Variants in TOGARAM1 observed in about 807,000 individuals in gnomAD.
The protein encoded by TOGARAM1 is TOG array regulator of axonemal microtubules 1, also known as TOG array regulator of axonemal microtubules protein 1.
In TOGARAM1, 100 loss-of-function variants were observed where a neutral mutation model predicts 166.6. The ratio of observed to expected loss-of-function variants is 0.60; its 90% CI spans 0.51 to 0.71. The LOEUF (loss-of-function observed/expected upper bound fraction) is 0.71, where lower values mean the gene tolerates loss of function less well. Among genes scored for constraint, TOGARAM1 ranks in the 30% least tolerant of loss-of-function variants. The probability of loss-of-function intolerance (pLI) is 0.00; values close to 1 mark genes in which losing one functional copy is unlikely to be tolerated. For synonymous variants in TOGARAM1, 758 were observed against 763.8 expected (o/e 0.99, Z 0.13); for missense variants, 2,029 against 2,102.7 (o/e 0.96, Z 0.69).
intron 7 of TOGARAM1, among the ~76,000 whole-genome samples, chr14:45,023,732 C>A (rs1391849554): frequency 6.6e-6 from 1 of 152,106 alleles, no homozygotes; most frequent in African/African-American, 2.4e-5. Flanking sequence ...AGAGTTCCTA[C>A]TCCATGGCAT....
At chr14:45,072,149 C>T (rs1253713810) in intron 19 of TOGARAM1, among the ~76,000 whole-genome samples, 2 of 152,156 alleles carry the variant, frequency 1.3e-5, no homozygotes, top group South Asian at 4.1e-4. Flanking sequence ...GGTTCAGGCT[C>T]CTGCCTTAAC....
chr14:44,995,579 T>A, intron 1 of TOGARAM1, 167 bp from the exon 2 acceptor site: 1 of 644,848 alleles, frequency 1.6e-6, no homozygotes, highest in East Asian at 3.1e-5. Flanking sequence ...TGAAAAGTAC[T>A]GTTGGTGTAC....
intron 1 of TOGARAM1, among the ~76,000 whole-genome samples, chr14:44,972,352 T>C (rs1254666832): frequency 6.6e-6 from 1 of 152,160 alleles, no homozygotes; most frequent in Non-Finnish European, 1.5e-5. Flanking sequence ...AGTCTGTTGT[T>C]GGATAAAGTA....
At chr14:45,011,308 GTTATAT>G (rs1471062415) in intron 6 of TOGARAM1, among the ~76,000 whole-genome samples, 2 of 152,058 alleles carry the variant, frequency 1.3e-5, no homozygotes, top group African/African-American at 4.8e-5. Context: ...GATTTGACTT[GTTATAT>G]TTATTTTCAT....
rs773035848 is a variant in TOGARAM1, at chr14:45,032,223, G to A, written c.3659G>A (p.Ser1220Asn). 2 of 1,599,182 alleles carry A rather than the reference G, an allele frequency of 1.3e-6. No homozygotes were observed. The highest frequency in any genetic ancestry group is 1.7e-6 in the Non-Finnish European group (2 of 1,176,400). The change falls in exon 11 of 20, where the codon AGT (serine) becomes AAT (asparagine). Residue 1220 changes from serine (S) to asparagine (N), a missense_variant and splice_region_variant. Coordinates refer to ENST00000361462, the MANE Select transcript of TOGARAM1 (RefSeq NM_001308120.2). ...GTTTATTTAATGTATTTTGTTTTAG[G>A]TGAAACACCTACTGGAGCTATTTCA... is the stretch of plus-strand genomic sequence containing the variant. Reference protein sequence around the residue: ...HTGTEKMASESETPTGAISQY... With the variant: ...HTGTEKMASENETPTGAISQY...
chr14:45,030,073 G>A (rs183454510), intron 10 of TOGARAM1, among the ~76,000 whole-genome samples: 147 of 152,166 alleles, frequency 9.7e-4, no homozygotes, highest in Non-Finnish European at 2.0e-3. Context: ...GCTCACCTCA[G>A]CCTCCCAGAA....
Position 44,962,737 on chromosome 14 carries a change from G to A in TOGARAM1, c.316G>A (p.Ala106Thr), listed in dbSNP as rs754954026. The change falls in exon 1 of 20, where the codon GCC becomes ACC. Residue 106 changes from alanine (A) to threonine (T), a missense_variant. Around this residue, in one of 2 missense-constraint regions of TOGARAM1, gnomAD observed 1,453 missense variants for 1,432.2 expected, o/e 1.01. Transcript: ENST00000361462. ...DTRLLQLLRT[A>T]RDPSEAFQAL... ...TCGGCTCCTTCAACTCCTCCGCACT[G>A]CCCGGGATCCTTCTGAGGCCTTCCA... 3 of 1,613,650 alleles carry A rather than the reference G, an allele frequency of 1.9e-6. No homozygotes were observed. The East Asian group carries it at 6.7e-5, about 36-fold the overall frequency.
intron 1 of TOGARAM1, among the ~76,000 whole-genome samples, chr14:44,988,184 A>T (rs1013643138): frequency 2.6e-5 from 4 of 152,024 alleles, no homozygotes; most frequent in Non-Finnish European, 2.9e-5. Flanking sequence ...CAGCACACCA[A>T]CATGGCACAT....
chr14:45,056,522 A>G (rs1882646526), intron 16 of TOGARAM1, among the ~76,000 whole-genome samples: 1 of 151,998 alleles, frequency 6.6e-6, no homozygotes, highest in African/African-American at 2.4e-5. Context: ...GGCCTTTATT[A>G]TGTTGAGGTA....
chr14:44,996,807 G>A (rs535398177), intron 2 of TOGARAM1: 2 of 152,368 alleles, frequency 1.3e-5, no homozygotes, highest in African/African-American at 4.8e-5. Context: ...TTACATGGTG[G>A]GAGCAAGGGG....
chr14:45,025,395 C>T (rs921781693), intron 7 of TOGARAM1: 1 of 154,646 alleles, frequency 6.5e-6, no homozygotes, highest in African/African-American at 2.4e-5. Context: ...GAAACCCCAT[C>T]TCTACTAAAA....
At chr14:44,974,611 G>A in intron 1 of TOGARAM1, among the ~76,000 whole-genome samples, 1 of 152,020 alleles carries the variant, frequency 6.6e-6, no homozygotes, top group East Asian at 1.9e-4. Flanking sequence ...GTGGTAAATA[G>A]TTTTTTAGTA....
chr14:44,972,144 C>T (rs1885921409), intron 1 of TOGARAM1, among the ~76,000 whole-genome samples: 1 of 152,142 alleles, frequency 6.6e-6, no homozygotes, highest in South Asian at 2.1e-4. Flanking sequence ...CCTCTTTCAA[C>T]ATTGAGGATT....
rs548304173 is a variant in TOGARAM1, at chr14:45,061,599, T to G, written c.4560-4979T>G. On this transcript the variant is annotated intron_variant, in intron 16 of 19. Coordinates refer to ENST00000361462, the MANE Select transcript of TOGARAM1 (RefSeq NM_001308120.2). ...TTTTTAATCATGAATGAGTGTTGAATTTTTCTCAAATGCCCTTCCAGCATC... is the reference window on the plus strand; with the variant it reads ...TTTTTAATCATGAATGAGTGTTGAAGTTTTCTCAAATGCCCTTCCAGCATC... 2.6e-5 allele frequency among the ~76,000 whole-genome samples: 4 copies of G among 152,302 alleles called. No individual in the cohort carries two copies. In the East Asian group the frequency reaches 7.7e-4, roughly 29 times the overall value.
At position 44,995,899 on chromosome 14, in the gene TOGARAM1, G is replaced by T. The variant is rs375234033; in HGVS notation, c.2200G>T (p.Ala734Ser). The T allele has an allele frequency of 6.2e-7, 1 of 1,601,478 alleles. No homozygotes were observed. Among genetic ancestry groups the T allele is most frequent in the Non-Finnish European group, 8.5e-7 (1 of 1,175,830 alleles). Residue 734 changes from alanine to serine, a missense_variant, in exon 2 of 20, where the codon GCT becomes TCT. Physicochemically the swap from Ala to Ser is moderately conservative, Grantham distance 99 (BLOSUM62 1). Coordinates refer to ENST00000361462, the MANE Select transcript of TOGARAM1 (RefSeq NM_001308120.2). Reference protein sequence around the residue: ...FNPDCLPLCAAGTTGTHQTNL... With the variant: ...FNPDCLPLCASGTTGTHQTNL... ...CCCAGATTGTCTTCCTTTATGTGCT[G>T]CTGGTAAGTACAAGTTGCTGATGAT...
At chr14:45,060,207 T>C (rs1378867945) in intron 16 of TOGARAM1, among the ~76,000 whole-genome samples, 2 of 147,452 alleles carry the variant, frequency 1.4e-5, no homozygotes, top group Non-Finnish European at 3.0e-5. Flanking sequence ...CATGAGACAC[T>C]GCACCCGGCC....
intron 5 of TOGARAM1, chr14:45,007,222 A>G (rs1158934421): frequency 6.6e-6 from 1 of 152,052 alleles, no homozygotes. Context: ...TTTTTAACAT[A>G]TGTCTTTATG....
intron 11 of TOGARAM1, among the ~76,000 whole-genome samples, chr14:45,036,848 C>T (rs1881460636): frequency 6.6e-6 from 1 of 152,112 alleles, no homozygotes. Context: ...AAAGACATAT[C>T]CAAGAGGAGA....
chr14:45,042,848 A>T lies in TOGARAM1; in HGVS notation c.3813-838A>T, dbSNP rs986977459. ...ATGGCTGCTGACTGATCAGGGTGGT[A>T]GTGGCTGGCTGTGGTAATTTTAGCA... On this transcript the variant is annotated intron_variant, in intron 11 of 19. Transcript: ENST00000361462. 2.6e-5 allele frequency among the ~76,000 whole-genome samples: 4 copies of T among 152,282 alleles called. No individual in the cohort carries two copies. In the East Asian group the frequency reaches 7.7e-4, roughly 29 times the overall value.
Sources: gnomAD v4.1 joint callset for allele counts (sites outside exome capture counted in the v4.1 genomes callset) on GRCh38, gnomAD v4.1.1 for gene constraint, gnomAD v4.1.1 regional missense constraint, MANE v1.5 for transcripts, NCBI Gene and HGNC (gene_info 2026-07-23, HGNC 2026-07-21) for gene names.